GALNTL6: variants seen among roughly 807,000 people sequenced by gnomAD.
The protein encoded by GALNTL6 is polypeptide N-acetylgalactosaminyltransferase-like 6.
A neutral mutation model predicts 73.7 loss-of-function variants in GALNTL6; 46 were observed. That is an observed-to-expected ratio of 0.62 (90% CI 0.49 to 0.80). GALNTL6 has a LOEUF of 0.80. GALNTL6 is among the 30% of genes least tolerant of loss of function. The pLI, the probability that GALNTL6 is intolerant of heterozygous loss-of-function variation, is 0.00. For missense variants in GALNTL6, 604 were observed against 755.0 expected, an observed-to-expected ratio of 0.80 and a Z score of 2.34; for synonymous variants, 259 against 263.7, an observed-to-expected ratio of 0.98 and a Z score of 0.17.
intron 2 of GALNTL6, among the ~76,000 whole-genome samples, chr4:171,937,609 C>G (rs1197232788): frequency 6.6e-6 from 1 of 152,092 alleles, no homozygotes; most frequent in African/African-American, 2.4e-5. Context: ...TATTCAGTCT[C>G]ATTCCTTACT....
intron 2 of GALNTL6, among the ~76,000 whole-genome samples, chr4:171,883,317 A>G (rs895762103): frequency 1.3e-5 from 2 of 152,078 alleles, no homozygotes; most frequent in Non-Finnish European, 2.9e-5. Context: ...CTGCCACTAC[A>G]CTCCAGCCTG....
chr4:172,322,707 G>A (rs754365245), intron 4 of GALNTL6, among the ~76,000 whole-genome samples: 1 of 152,030 alleles, frequency 6.6e-6, no homozygotes, highest in Non-Finnish European at 1.5e-5. Flanking sequence ...ATAGCACTAG[G>A]AGGATGGTGC....
chr4:171,896,857 A>G (rs1736932321), intron 2 of GALNTL6, among the ~76,000 whole-genome samples: 1 of 152,238 alleles, frequency 6.6e-6, no homozygotes, highest in South Asian at 2.1e-4. Flanking sequence ...TAACACAGAG[A>G]AGTATAGTTT....
intron 2 of GALNTL6, among the ~76,000 whole-genome samples, chr4:171,994,923 T>C (rs1052375732): frequency 6.6e-6 from 1 of 151,882 alleles, no homozygotes; most frequent in African/African-American, 2.4e-5. Context: ...ATTTCCAAAA[T>C]ATCAACTAAA....
chr4:172,347,375 T>C (rs1741785695), intron 4 of GALNTL6, among the ~76,000 whole-genome samples: 1 of 152,222 alleles, frequency 6.6e-6, no homozygotes, highest in Admixed American at 6.5e-5. Context: ...CTTGTCCTAA[T>C]GTTTAAAAAA....
chr4:172,502,685 A>G (rs1280168879), intron 5 of GALNTL6, among the ~76,000 whole-genome samples: 1 of 152,212 alleles, frequency 6.6e-6, no homozygotes, highest in Non-Finnish European at 1.5e-5. Flanking sequence ...AATAAGGCAA[A>G]AACTACCTTT....
chr4:172,938,782 T>C (rs1748759597), intron 9 of GALNTL6, among the ~76,000 whole-genome samples: 1 of 152,160 alleles, frequency 6.6e-6, no homozygotes, highest in South Asian at 2.1e-4. Flanking sequence ...TCATGGGTTT[T>C]CTCCCAAAAA....
At chr4:172,687,047 C>T (rs62330763) in intron 5 of GALNTL6, among the ~76,000 whole-genome samples, 64,778 of 151,976 alleles carry the variant, frequency 0.43, 16,040 homozygotes, top group East Asian at 0.69. Context: ...ACCAAGGTCA[C>T]GAAGCCAGTA....
At position 172,311,587 on chromosome 4, in the gene GALNTL6, T is replaced by G. The variant is rs1166987185; in HGVS notation, c.248-27T>G. 2.5e-6 allele frequency: 4 copies of G among 1,582,320 alleles called. No homozygotes were observed. The African/African-American group carries it at 4.1e-5, about 16-fold the overall frequency. ...GATAAAATGGCTTTTATAGAGATGA[T>G]AATCTCATTTTGTTTTCTCCTGCTA... On this transcript the variant is annotated intron_variant, in intron 3 of 12. Transcript: ENST00000506823.
intron 5 of GALNTL6, among the ~76,000 whole-genome samples, chr4:172,561,747 A>G (rs1305504090): frequency 6.6e-6 from 1 of 152,202 alleles, no homozygotes; most frequent in African/African-American, 2.4e-5. Context: ...TCCAGGCTTC[A>G]CAATACACCA....
At chr4:172,813,453 T>G (rs1245906934) in intron 6 of GALNTL6, 87 bp from the exon 7 acceptor site, 2 of 1,082,390 alleles carry the variant, frequency 1.8e-6, no homozygotes. Flanking sequence ...TATGCATTAG[T>G]GGAGGACTGT....
chr4:172,626,509 A>G (rs557282874), intron 5 of GALNTL6, among the ~76,000 whole-genome samples: 2 of 152,232 alleles, frequency 1.3e-5, no homozygotes, highest in Non-Finnish European at 2.9e-5. Flanking sequence ...TTTTGGTGCC[A>G]CATGAATTTT....
intron 10 of GALNTL6, among the ~76,000 whole-genome samples, chr4:172,960,778 T>G (rs1217573885): frequency 1.3e-5 from 2 of 152,174 alleles, no homozygotes; most frequent in Admixed American, 6.5e-5. Context: ...AGTGGCATTG[T>G]AGAAGAAAAT....
chr4:171,822,965 A>G (rs1474580761), intron 2 of GALNTL6, among the ~76,000 whole-genome samples: 1 of 152,202 alleles, frequency 6.6e-6, no homozygotes, highest in Non-Finnish European at 1.5e-5. Context: ...CACCAAATTC[A>G]TTGACAGGTT....
chr4:172,130,255 A>G (rs953617846), intron 2 of GALNTL6, among the ~76,000 whole-genome samples: 2 of 147,892 alleles, frequency 1.4e-5, no homozygotes, highest in African/African-American at 5.0e-5. Context: ...AGGCTTTTGT[A>G]ATATTGATGT....
chr4:173,025,291 G>A (rs1486274012), intron 12 of GALNTL6, among the ~76,000 whole-genome samples: 1 of 152,134 alleles, frequency 6.6e-6, no homozygotes, highest in South Asian at 2.1e-4. Context: ...ACAGTGAATT[G>A]TTGAGGCAAC....
intron 5 of GALNTL6, among the ~76,000 whole-genome samples, chr4:172,406,912 A>G (rs572583689): frequency 3.9e-5 from 6 of 152,160 alleles, no homozygotes; most frequent in African/African-American, 1.4e-4. Context: ...GTGTCTTTAA[A>G]TGTGAATTAA....
At chr4:172,303,347 G>A (rs1740008733) in intron 3 of GALNTL6, among the ~76,000 whole-genome samples, 1 of 152,086 alleles carries the variant, frequency 6.6e-6, no homozygotes, top group South Asian at 2.1e-4. Flanking sequence ...ACTTCACTCT[G>A]ATTAAGATGT....
At chr4:172,514,671 G>A (rs1384022595) in intron 5 of GALNTL6, among the ~76,000 whole-genome samples, 2 of 152,110 alleles carry the variant, frequency 1.3e-5, no homozygotes, top group Non-Finnish European at 2.9e-5. Flanking sequence ...CCTTCTTCCT[G>A]TAGTCTTTCC....
Sources: gnomAD v4.1 joint callset for allele counts (sites outside exome capture counted in the v4.1 genomes callset) on GRCh38, gnomAD v4.1.1 for gene constraint, MANE v1.5 for transcripts, NCBI Gene and HGNC (gene_info 2026-07-23, HGNC 2026-07-21) for gene names.